Variants in ATP11C observed in about 807,000 individuals in gnomAD.
The protein encoded by ATP11C is phospholipid-transporting ATPase IG.
In ATP11C, 36 loss-of-function variants were observed where a neutral mutation model predicts 97.4. That is an observed-to-expected ratio of 0.37 (90% confidence interval 0.28 to 0.49). ATP11C has a LOEUF of 0.49. Ranked by LOEUF, ATP11C falls within the 20% of genes least tolerant of loss-of-function variation. ATP11C has a pLI of 0.98. For synonymous variants in ATP11C, 275 were observed against 290.9 expected (o/e 0.95, Z 0.56); for missense variants, 730 against 824.6 (o/e 0.89, Z 1.40).
At chrX:139,885,522 T>C (rs1467321744) in intron 1 of ATP11C, 6 of 111,983 alleles carry the variant, frequency 5.4e-5, no homozygotes, top group Non-Finnish European at 1.1e-4. Flanking sequence ...TCCCTTAGGA[T>C]GGAAAAATTT....
At chrX:139,822,389 T>C (rs764479921) in intron 2 of ATP11C, among the ~76,000 whole-genome samples, 6 of 103,602 alleles carry the variant, frequency 5.8e-5, no homozygotes, top group African/African-American at 2.3e-4. Context: ...GTTTTTGTTT[T>C]TTGGGTTTTT....
chrX:139,804,963 T>C (rs748119896), intron 5 of ATP11C, among the ~76,000 whole-genome samples: 48 of 112,004 alleles, frequency 4.3e-4, no homozygotes, highest in Non-Finnish European at 6.6e-4. Flanking sequence ...GGGCACTTCA[T>C]GAACACTGAA....
At chrX:139,734,440 G>A (rs2081404562) in intron 28 of ATP11C, among the ~76,000 whole-genome samples, 1 of 111,485 alleles carries the variant, frequency 9.0e-6, no homozygotes, top group Non-Finnish European at 1.9e-5. Context: ...CTTCAGCGAA[G>A]TTAAGCCTCC....
At position 139,819,378 on chromosome X, in the gene ATP11C, C is replaced by A; in HGVS notation, c.197G>T (p.Arg66Ile). Reference sequence around the variant, plus strand: ...TATGAGAAAATAAAAATTTGCAATTCTTCTAAACTGTTCAAACAGATTCTT... The same window carrying A: ...TATGAGAAAATAAAAATTTGCAATTATTCTAAACTGTTCAAACAGATTCTT... ...LPKNLFEQFR[R>I]IANFYFLIIF... is the part of the protein sequence containing the mutation. The change falls in exon 3 of 30, where the codon AGA (arginine) becomes ATA (isoleucine). Residue 66 changes from arginine to isoleucine, a missense_variant. Physicochemically the swap from Arg to Ile is moderately conservative, Grantham distance 97. Transcript: ENST00000682941. The A allele has an allele frequency of 8.7e-7, 1 of 1,152,515 alleles. No homozygotes were observed. Among genetic ancestry groups the A allele is most frequent in the Non-Finnish European group, 1.2e-6 (1 of 860,088 alleles). 95.0% of individuals were successfully genotyped at this position (1,152,515 alleles called of 1,213,427 possible). A position where few individuals can be genotyped will look rare whatever the true frequency, so the allele number is the denominator to read the frequency against.
At chrX:139,902,196 C>T (rs1229216748) in intron 1 of ATP11C, among the ~76,000 whole-genome samples, 3 of 111,241 alleles carry the variant, frequency 2.7e-5, no homozygotes, top group African/African-American at 3.3e-5. Context: ...CCCCTCCCAG[C>T]TTCAAGTTGT....
At chrX:139,819,765 A>T (rs181332896) in intron 2 of ATP11C, among the ~76,000 whole-genome samples, 367 of 112,480 alleles carry the variant, frequency 3.3e-3, no homozygotes, top group Non-Finnish European at 5.7e-3. Flanking sequence ...TGAGTTATAT[A>T]TGTGTACATT....
chrX:139,853,521 G>A (rs1353873033), intron 1 of ATP11C, among the ~76,000 whole-genome samples: 1 of 110,624 alleles, frequency 9.0e-6, no homozygotes, highest in Non-Finnish European at 1.9e-5. Context: ...AAAAAACAGT[G>A]TACCCTATTC....
intron 1 of ATP11C, among the ~76,000 whole-genome samples, chrX:139,909,167 T>C (rs1366256196): frequency 9.0e-6 from 1 of 111,361 alleles, no homozygotes; most frequent in Non-Finnish European, 1.9e-5. Context: ...GTTTCACTCT[T>C]ATTGCCCAGG....
chrX:139,782,119 G>T (rs1408054219), intron 18 of ATP11C, among the ~76,000 whole-genome samples: 1 of 110,409 alleles, frequency 9.1e-6, no homozygotes, highest in East Asian at 2.8e-4. Flanking sequence ...GAGGTCAGGA[G>T]ATCGAAACCA....
At chrX:139,797,421 G>A (rs1232850940) in intron 10 of ATP11C, 95 bp from the exon 11 acceptor site, 3 of 608,277 alleles carry the variant, frequency 4.9e-6, no homozygotes, top group African/African-American at 2.3e-5. Flanking sequence ...TGTGTACGAC[G>A]CGTAACTACA....
At chrX:139,934,689 A>G (rs1413903396), upstream of ATP11C, among the ~76,000 whole-genome samples, 1 of 107,353 alleles carries the variant, frequency 9.3e-6, no homozygotes, top group African/African-American at 3.4e-5. Flanking sequence ...AGTAGCTGGG[A>G]TTACAGATGC....
In ATP11C at chrX:139,727,195, A is replaced by C. The variant is rs2081267018; in HGVS notation, c.*1771T>G. On this transcript the variant is annotated 3_prime_UTR_variant, in exon 30 of 30. Coordinates refer to ENST00000682941, the MANE Select transcript of ATP11C (RefSeq NM_001353812.2). ...TGTATTCACAGTTCCCATAGATTTTATGTAAAACAGCAATCATAATACAGC... is the reference window on the plus strand; with the variant it reads ...TGTATTCACAGTTCCCATAGATTTTCTGTAAAACAGCAATCATAATACAGC... 1 of 112,377 alleles carries C rather than the reference A, an allele frequency of 8.9e-6. No homozygotes were observed. The highest frequency in any genetic ancestry group is 9.5e-5 in the Admixed American group (1 of 10,519). 9.3% of individuals were successfully genotyped at this position (112,377 alleles called of 1,213,427 possible).
intron 1 of ATP11C, among the ~76,000 whole-genome samples, chrX:139,919,525 A>G (rs906962441): frequency 9.1e-5 from 10 of 110,393 alleles, no homozygotes; most frequent in Non-Finnish European, 1.9e-4. Context: ...AGAACTGAAG[A>G]AAGCAGTTTG....
chrX:139,821,386 T>C (rs147288844), intron 2 of ATP11C, among the ~76,000 whole-genome samples: 1 of 112,195 alleles, frequency 8.9e-6, no homozygotes, highest in African/African-American at 3.2e-5. Flanking sequence ...GCTGACATAG[T>C]TCAGACCAGC....
chrX:139,769,852 G>A (rs1244139945), intron 19 of ATP11C, among the ~76,000 whole-genome samples: 2 of 111,435 alleles, frequency 1.8e-5, no homozygotes, highest in East Asian at 5.7e-4. Flanking sequence ...TGTGATGTGA[G>A]ATTTTGCATT....
intron 17 of ATP11C, 58 bp from the exon 18 acceptor site, chrX:139,782,786 A>C (rs898675353): frequency 2.9e-5 from 25 of 861,265 alleles, no homozygotes; most frequent in South Asian, 1.5e-4. Flanking sequence ...AAAAAAAAAA[A>C]CACACTCTGT....
At chrX:139,782,109 G>A (rs941338167) in intron 18 of ATP11C, among the ~76,000 whole-genome samples, 2 of 110,601 alleles carry the variant, frequency 1.8e-5, no homozygotes, top group South Asian at 3.9e-4. Flanking sequence ...GACAGATCAC[G>A]AGGTCAGGAG....
Position 139,798,659 on chromosome X carries a change from G to A in ATP11C, c.775+20C>T, listed in dbSNP as rs907022713. ...TTACAAAGCATATTTTTTGATAGGT[G>A]TATCTTAAAAATTGTTCACCATATA... is the stretch of plus-strand genomic sequence containing the variant. On this transcript the variant is annotated intron_variant, in intron 9 of 29. Coordinates refer to ENST00000682941, the MANE Select transcript of ATP11C (RefSeq NM_001353812.2). 24 of 1,142,328 alleles carry A rather than the reference G, an allele frequency of 2.1e-5. No homozygotes were observed. Among genetic ancestry groups the A allele is most frequent in the Non-Finnish European group, 2.6e-5 (22 of 838,032 alleles). 94.1% of individuals were successfully genotyped at this position (1,142,328 alleles called of 1,213,427 possible).
At chrX:139,794,043 C>T (rs896175425) in intron 12 of ATP11C, among the ~76,000 whole-genome samples, 42 of 111,887 alleles carry the variant, frequency 3.8e-4, no homozygotes, top group Non-Finnish European at 2.4e-4. Context: ...GATGGGAAGG[C>T]GACACAAAGA....
Sources: allele counts gnomAD v4.1 joint callset (sites outside exome capture counted in the v4.1 genomes callset), GRCh38; gene constraint gnomAD v4.1.1; transcripts MANE v1.5; gene names NCBI Gene and HGNC (gene_info 2026-07-23, HGNC 2026-07-21).